The following CCDC148 variants were observed in gnomAD, a reference collection of about 807,000 sequenced individuals.
CCDC148 encodes the protein coiled-coil domain containing 148.
CCDC148 carries 89 observed loss-of-function variants against 85.7 expected under a neutral mutation model. The ratio of observed to expected loss-of-function variants is 1.04; its 90% CI spans 0.87 to 1.24. The LOEUF is 1.24. Among genes scored for constraint, CCDC148 ranks in the 50% most tolerant of loss-of-function variants. The pLI is 0.00. For synonymous variants in CCDC148, 230 were observed against 213.9 expected (o/e 1.08, Z -0.66); for missense variants, 692 against 671.7 (o/e 1.03, Z -0.33).
chr2:158,180,729 G>T (rs572230674), intron 11 of CCDC148, among the ~76,000 whole-genome samples: 1 of 152,078 alleles, frequency 6.6e-6, no homozygotes, highest in African/African-American at 2.4e-5. Context: ...TGCTCCTGGG[G>T]AGGAATACCC....
intron 9 of CCDC148, among the ~76,000 whole-genome samples, chr2:158,306,640 G>A (rs1054515409): frequency 9.4e-5 from 14 of 149,368 alleles, no homozygotes; most frequent in African/African-American, 3.4e-4. Flanking sequence ...AGAACACTTG[G>A]ACACAGGAAG....
chr2:158,399,146 C>T (rs11681050), intron 1 of CCDC148, among the ~76,000 whole-genome samples: 26,923 of 152,106 alleles, frequency 0.18, 3,119 homozygotes, highest in Non-Finnish European at 0.25. Context: ...AGCCTACCAA[C>T]CAAAAAAGTC....
chr2:158,456,048 T>G (rs867266717), intron 1 of CCDC148, among the ~76,000 whole-genome samples: 12 of 152,212 alleles, frequency 7.9e-5, no homozygotes, highest in Middle Eastern at 3.2e-3. Context: ...GCCTGTAACC[T>G]CTCAAGTGAA....
chr2:158,221,000 C>A (rs1558993386), intron 10 of CCDC148, among the ~76,000 whole-genome samples: 1 of 152,188 alleles, frequency 6.6e-6, no homozygotes, highest in Non-Finnish European at 1.5e-5. Flanking sequence ...ATCAACTTTC[C>A]AGAGAACCAC....
At chr2:158,308,461 T>A (rs372440211) in intron 9 of CCDC148, among the ~76,000 whole-genome samples, 5 of 122,634 alleles carry the variant, frequency 4.1e-5, no homozygotes, top group Non-Finnish European at 7.1e-5. Flanking sequence ...TCAAAAGAAA[T>A]ATCTTTTTGT....
intron 9 of CCDC148, among the ~76,000 whole-genome samples, chr2:158,279,450 A>G (rs1041279218): frequency 2.6e-5 from 4 of 152,260 alleles, no homozygotes; most frequent in African/African-American, 7.2e-5. Flanking sequence ...TGGAGCTGAA[A>G]GCCAAGGCAT....
At chr2:158,366,176 T>G in intron 1 of CCDC148, 1 of 819,018 alleles carries the variant, frequency 1.2e-6, no homozygotes, top group Non-Finnish European at 1.8e-6. Flanking sequence ...GACCCAGGAC[T>G]GGGTGCCATA....
intron 10 of CCDC148, among the ~76,000 whole-genome samples, chr2:158,248,255 T>C (rs1264741152): frequency 6.6e-6 from 1 of 151,974 alleles, no homozygotes; most frequent in Non-Finnish European, 1.5e-5. Context: ...AGAAGGGAAA[T>C]GGTACTGAGG....
intron 9 of CCDC148, among the ~76,000 whole-genome samples, chr2:158,268,580 C>A (rs1170456052): frequency 1.3e-5 from 2 of 152,052 alleles, no homozygotes; most frequent in Non-Finnish European, 2.9e-5. Flanking sequence ...CACCTAGTAA[C>A]CCTTTTTGTT....
rs577981093 is a variant in CCDC148, at chr2:158,364,459, A to T, written c.26-5889T>A. On this transcript the variant is annotated intron_variant, in intron 1 of 13. Coordinates refer to ENST00000283233, the MANE Select transcript of CCDC148 (RefSeq NM_138803.4). ...AACAGCATGGTACTGGTACCAAAAC[A>T]GATATACAGACAAACAGAACAGAAC... is the stretch of plus-strand genomic sequence containing the variant. 3.3e-5 allele frequency among the ~76,000 whole-genome samples: 5 copies of T among 152,352 alleles called. No individual in the cohort carries two copies. In the South Asian group the frequency reaches 1.0e-3, roughly 32 times the overall value.
Position 158,421,895 on chromosome 2 carries a change from G to A in CCDC148, c.25+34520C>T, listed in dbSNP as rs562925383. On this transcript the variant is annotated intron_variant, in intron 1 of 13. Coordinates refer to ENST00000283233, the MANE Select transcript of CCDC148 (RefSeq NM_138803.4). ...GAATCAAATAGACGCAATAAAAAAT[G>A]ATAAAGGGGTTATCACCACCGATCC... 3.1e-3 allele frequency among the ~76,000 whole-genome samples: 476 copies of A among 151,554 alleles called. 2 individuals are homozygous for A. Among genetic ancestry groups the A allele is most frequent in the Non-Finnish European group, 5.1e-3 (347 of 67,696 alleles).
At position 158,243,424 on chromosome 2, in the gene CCDC148, T is replaced by C. The variant is rs148952722; in HGVS notation, c.1251+7348A>G. On this transcript the variant is annotated intron_variant, in intron 10 of 13. Transcript: ENST00000283233. ...TTTCAGTCCAAGCTGGCAGTGTTTC[T>C]AATAAAATTTTCCCAAGAACCCAGC... Among the ~76,000 whole-genome samples, 155 of 152,314 alleles carry C rather than the reference T, an allele frequency of 1.0e-3. 1 individual carries two copies. The highest frequency in any genetic ancestry group is 3.4e-3 in the African/African-American group (140 of 41,582).
intron 1 of CCDC148, among the ~76,000 whole-genome samples, chr2:158,373,407 G>C (rs1684530137): frequency 6.6e-6 from 1 of 152,000 alleles, no homozygotes; most frequent in Non-Finnish European, 1.5e-5. Flanking sequence ...TCAGCAATAG[G>C]AAACTGATAT....
intron 1 of CCDC148, among the ~76,000 whole-genome samples, chr2:158,409,607 T>C (rs1158045468): frequency 6.6e-6 from 1 of 152,244 alleles, no homozygotes; most frequent in Non-Finnish European, 1.5e-5. Context: ...TACAGGCTTA[T>C]AGGTGGAAGG....
chr2:158,436,171 T>C (rs1282527979), intron 1 of CCDC148, among the ~76,000 whole-genome samples: 1 of 152,160 alleles, frequency 6.6e-6, no homozygotes. Flanking sequence ...CATCAGAATA[T>C]ACATTCTTCT....
intron 1 of CCDC148, among the ~76,000 whole-genome samples, chr2:158,449,561 G>T (rs1223443233): frequency 1.3e-5 from 2 of 151,704 alleles, no homozygotes; most frequent in Non-Finnish European, 2.9e-5. Context: ...AATTCTCCCT[G>T]CCTCAGCCTT....
At chr2:158,196,601 G>A (rs1685684377) in intron 11 of CCDC148, among the ~76,000 whole-genome samples, 1 of 151,956 alleles carries the variant, frequency 6.6e-6, no homozygotes. Flanking sequence ...CTTTCCTTTC[G>A]ATATGGTCCA....
chr2:158,234,312 T>C (rs1038197686), intron 10 of CCDC148, among the ~76,000 whole-genome samples: 3 of 152,194 alleles, frequency 2.0e-5, no homozygotes, highest in African/African-American at 7.2e-5. Context: ...GCAACCATCC[T>C]GCCTGGTTAT....
At chr2:158,401,425 T>C (rs1559121670) in intron 1 of CCDC148, among the ~76,000 whole-genome samples, 1 of 152,038 alleles carries the variant, frequency 6.6e-6, no homozygotes, top group Non-Finnish European at 1.5e-5. Context: ...CTGGAAACCA[T>C]TATTCTCAGC....
Sources: allele counts gnomAD v4.1 joint callset (sites outside exome capture counted in the v4.1 genomes callset), GRCh38; gene constraint gnomAD v4.1.1; transcripts MANE v1.5; gene names NCBI Gene and HGNC (gene_info 2026-07-23, HGNC 2026-07-21).